Variants in FREM2 observed in about 807,000 individuals in gnomAD.
The protein encoded by FREM2 is FRAS1-related extracellular matrix protein 2.
Under a neutral mutation model 219.9 loss-of-function variants are expected in FREM2, and 119 were observed. The ratio of observed to expected loss-of-function variants is 0.54; its 90% CI spans 0.47 to 0.63. FREM2 has a LOEUF of 0.63. Among genes scored for constraint, FREM2 ranks in the 30% least tolerant of loss-of-function variants. The probability of loss-of-function intolerance (pLI) is 0.00; values close to 1 mark genes in which losing one functional copy is unlikely to be tolerated. For missense variants in FREM2, 4,030 were observed against 3,993.6 expected (o/e 1.01, Z -0.25); for synonymous variants, 1,562 against 1,522.8 (o/e 1.03, Z -0.60).
chr13:38,824,603 T>C (rs1474923888), intron 6 of FREM2, among the ~76,000 whole-genome samples: 1 of 151,758 alleles, frequency 6.6e-6, no homozygotes, highest in Non-Finnish European at 1.5e-5. Flanking sequence ...TGCTGATTGG[T>C]TGGGTCAGAG....
chr13:38,797,232 G>C (rs938059396), intron 6 of FREM2, among the ~76,000 whole-genome samples: 1 of 151,898 alleles, frequency 6.6e-6, no homozygotes, highest in African/African-American at 2.4e-5. Context: ...AAGAGGGTGT[G>C]AGTTCTCTTT....
At chr13:38,856,068 TAGAA>T in intron 11 of FREM2, 54 bp from the exon 12 acceptor site, 2 of 847,374 alleles carry the variant, frequency 2.4e-6, no homozygotes, top group Non-Finnish European at 3.4e-6. Context: ...AAAAAAAAAA[TAGAA>T]AACTTCTCAT....
In FREM2 at chr13:38,689,418, C is replaced by T. The variant is rs571692287; in HGVS notation, c.2074C>T (p.Arg692Cys). The change falls in exon 1 of 24, where the codon CGT becomes TGT. Residue 692 changes from arginine (R) to cysteine (C), a missense_variant. By Grantham distance (180) the Arg-to-Cys change is radical. Transcript: ENST00000280481. ...NQSGLQRFVI[R>C]IHPVDRLPPE... is the part of the protein sequence containing the mutation. ...GTCCGGGCTACAGCGGTTTGTGATT[C>T]GTATCCATCCTGTGGATCGCCTCCC... The T allele has an allele frequency of 5.0e-6, 8 of 1,613,988 alleles. No homozygotes were observed. The highest frequency in any genetic ancestry group is 1.3e-5 in the African/African-American group (1 of 75,032).
rs757816272 is a variant in FREM2 at position 38,864,280 on chromosome 13, C to G, written c.7657C>G (p.Leu2553Val). 1.2e-6 allele frequency: 2 copies of G among 1,610,836 alleles called. No individual in the cohort carries two copies. The change falls in exon 16 of 24, where the codon CTC (leucine) becomes GTC (valine). Residue 2553 changes from leucine to valine, a missense_variant. Leu to Val is a conservative substitution (Grantham distance 32). Around this residue, in one of 2 missense-constraint regions of FREM2, gnomAD observed 928 missense variants for 1,042.9 expected, o/e 0.89. Transcript: ENST00000280481. ...ATGATTTCGATTTATCATAGGCATGCTCCCCGTGATCTCCACTAGAGAGCT... is the reference window on the plus strand; with the variant it reads ...ATGATTTCGATTTATCATAGGCATGGTCCCCGTGATCTCCACTAGAGAGCT... ...TVTMPHIDGM[L>V]PVISTRELSN... is the part of the protein sequence containing the mutation.
intron 4 of FREM2, among the ~76,000 whole-genome samples, chr13:38,770,447 C>T (rs1438033000): frequency 6.6e-6 from 1 of 151,970 alleles, no homozygotes; most frequent in Non-Finnish European, 1.5e-5. Flanking sequence ...TTTAATATTG[C>T]TCATGTCATT....
intron 2 of FREM2, among the ~76,000 whole-genome samples, chr13:38,713,682 C>G (rs916908413): frequency 6.6e-6 from 1 of 152,174 alleles, no homozygotes; most frequent in Non-Finnish European, 1.5e-5. Context: ...TTCATGTTAT[C>G]CCTTCCCCAA....
At chr13:38,722,655 T>G (rs1051062620) in intron 2 of FREM2, among the ~76,000 whole-genome samples, 1 of 151,978 alleles carries the variant, frequency 6.6e-6, no homozygotes, top group Non-Finnish European at 1.5e-5. Context: ...ATGACAATGC[T>G]ATTTACGTTG....
chr13:38,847,346 A>G (rs892760789), intron 7 of FREM2, among the ~76,000 whole-genome samples: 1 of 152,120 alleles, frequency 6.6e-6, no homozygotes, highest in Non-Finnish European at 1.5e-5. Context: ...GTACACACAC[A>G]TGAGAACACA....
chr13:38,750,351 C>A (rs879845464), intron 2 of FREM2, among the ~76,000 whole-genome samples: 1 of 152,122 alleles, frequency 6.6e-6, no homozygotes, highest in Non-Finnish European at 1.5e-5. Flanking sequence ...GGGAGTGAGA[C>A]TTACCTATGA....
intron 2 of FREM2, among the ~76,000 whole-genome samples, chr13:38,704,772 T>C (rs1377933608): frequency 1.3e-5 from 2 of 152,212 alleles, no homozygotes; most frequent in Non-Finnish European, 2.9e-5. Flanking sequence ...GACCCAGTTA[T>C]GCATGGCTGG....
Position 38,880,913 on chromosome 13 carries a change from A to G in FREM2, c.*126A>G. The stretch of plus-strand genomic sequence containing the variant: ...GTGATGAAGCTGCTTAGAGAATATG[A>G]CTGTACTAATGGAGTTTGATTTGAA... On this transcript the variant is annotated 3_prime_UTR_variant, in exon 24 of 24. Coordinates refer to ENST00000280481, the MANE Select transcript of FREM2 (RefSeq NM_207361.6). The G allele has an allele frequency of 9.0e-7, 1 of 1,117,084 alleles. No homozygotes were observed. The allele number at this position is 1,117,084 out of a possible 1,614,324, so 69.2% of individuals were successfully genotyped here.
Position 38,690,996 on chromosome 13 carries a change from G to A in FREM2, c.3652G>A (p.Ala1218Thr). Reference protein sequence around the residue: ...IDTPILNAADADVPLDDLTFT... With the variant: ...IDTPILNAADTDVPLDDLTFT... ...TACACCCATTCTCAATGCTGCTGATGCTGATGTTCCCCTGGATGATTTAAC... is the reference window on the plus strand; with the variant it reads ...TACACCCATTCTCAATGCTGCTGATACTGATGTTCCCCTGGATGATTTAAC... The change falls in exon 1 of 24, where the codon GCT (alanine) becomes ACT (threonine). Residue 1218 changes from alanine to threonine, a missense_variant. Around this residue, in one of 2 missense-constraint regions of FREM2, gnomAD observed 3,102 missense variants for 2,950.7 expected, o/e 1.05. Transcript: ENST00000280481. 6.2e-7 allele frequency: 1 copy of A among 1,614,108 alleles called. No individual in the cohort carries two copies.
intron 7 of FREM2, among the ~76,000 whole-genome samples, chr13:38,848,131 T>C (rs1877231389): frequency 6.6e-6 from 1 of 152,198 alleles, no homozygotes; most frequent in African/African-American, 2.4e-5. Flanking sequence ...TTGATTGATA[T>C]GCTGATTTTT....
In FREM2 at chr13:38,850,155, C is replaced by T; in HGVS notation, c.6497C>T (p.Thr2166Ile). The change falls in exon 9 of 24, where the codon ACC becomes ATC. Residue 2166 changes from threonine (T) to isoleucine (I), a missense_variant. By Grantham distance (89) the Thr-to-Ile change is moderately conservative. This residue lies in a region of FREM2 where 3,102 missense variants were observed against 2,950.7 expected (regional missense o/e 1.05). Transcript: ENST00000280481. The stretch of plus-strand genomic sequence containing the variant: ...TACAGATCTTCAGTGAGATGCTACA[C>T]CCGGCAGGGGTCTGCACAGGTGATG... ...VQYRSSVRCY[T>I]RQGSAQVMMD... is the part of the protein sequence containing the mutation. 1.2e-6 allele frequency: 2 copies of T among 1,614,036 alleles called. No homozygotes were observed. Among genetic ancestry groups the T allele is most frequent in the African/African-American group, 1.3e-5 (1 of 75,058 alleles).
chr13:38,743,343 A>G (rs1593378998), intron 2 of FREM2, among the ~76,000 whole-genome samples: 1 of 151,714 alleles, frequency 6.6e-6, no homozygotes, highest in East Asian at 1.9e-4. Flanking sequence ...ATATATATGT[A>G]TAGTATGTGG....
Position 38,692,404 on chromosome 13 carries a change from A to G in FREM2, c.5060A>G (p.Glu1687Gly), listed in dbSNP as rs143708269. The change falls in exon 1 of 24, where the codon GAG becomes GGG. Residue 1687 changes from glutamate (E) to glycine (G), a missense_variant. Physicochemically the swap from Glu to Gly is moderately conservative, Grantham distance 98. Coordinates refer to ENST00000280481, the MANE Select transcript of FREM2 (RefSeq NM_207361.6). ...ATCACAAGCAAAATATTGAAAGTGG[A>G]GGACAGAGACAGCTTACACATTTCT... ...FMITSKILKV[E>G]DRDSLHISLR... The G allele has an allele frequency of 1.9e-6, 3 of 1,611,860 alleles. No individual in the cohort carries two copies. The Admixed American group carries it at 5.0e-5, about 27-fold the overall frequency.
chr13:38,803,175 G>A (rs9603431), intron 6 of FREM2, among the ~76,000 whole-genome samples: 9,050 of 152,116 alleles, frequency 0.059, 841 homozygotes, highest in African/African-American at 0.19. Context: ...TTTTACATGT[G>A]AATTTGTTCT....
chr13:38,768,477 A>G (rs774438443), intron 3 of FREM2, among the ~76,000 whole-genome samples: 39 of 151,898 alleles, frequency 2.6e-4, no homozygotes, highest in Non-Finnish European at 4.3e-4. Context: ...GGGTTTCACC[A>G]TGTTTCCCAG....
At chr13:38,794,107 A>G (rs1314864928) in intron 6 of FREM2, among the ~76,000 whole-genome samples, 1 of 152,164 alleles carries the variant, frequency 6.6e-6, no homozygotes, top group African/African-American at 2.4e-5. Flanking sequence ...CTCTCTATGG[A>G]TAATGATAAA....
Sources: gnomAD v4.1 joint callset for allele counts (sites outside exome capture counted in the v4.1 genomes callset) on GRCh38, gnomAD v4.1.1 for gene constraint, gnomAD v4.1.1 regional missense constraint, MANE v1.5 for transcripts, NCBI Gene and HGNC (gene_info 2026-07-23, HGNC 2026-07-21) for gene names.